Variants in SH3PXD2A observed in about 807,000 individuals in gnomAD.
SH3PXD2A encodes the protein SH3 and PX domain-containing protein 2A.
SH3PXD2A carries 32 observed loss-of-function variants against 115.2 expected under a neutral mutation model. That is an observed-to-expected ratio of 0.28 (90% CI 0.21 to 0.37). The LOEUF is 0.37. Ranked by LOEUF, SH3PXD2A falls within the 10% of genes least tolerant of loss-of-function variation. The probability of loss-of-function intolerance (pLI) is 1.00; values close to 1 mark genes in which losing one functional copy is unlikely to be tolerated. For synonymous variants in SH3PXD2A, 610 were observed against 629.1 expected (o/e 0.97, Z 0.45); for missense variants, 1,328 against 1,498.7 (o/e 0.89, Z 1.88).
Position 103,613,000 on chromosome 10 carries a change from C to T in SH3PXD2A, c.1111G>A (p.Ala371Thr). The T allele has an allele frequency of 6.2e-7, 1 of 1,614,236 alleles. No homozygotes were observed. The stretch of plus-strand genomic sequence containing the variant: ...CTGATCTCCTTCTTGGCAATGGGGG[C>T]CTCATGGCCCTCGCCTTCGGCTGGT... ...TPPAEGEGHE[A>T]PIAKKEISLP... Residue 371 changes from alanine to threonine, a missense_variant, in exon 12 of 15, where the codon GCC (alanine) becomes ACC (threonine). Transcript: ENST00000369774.
chr10:103,647,568 G>A (rs1210079982), intron 8 of SH3PXD2A, among the ~76,000 whole-genome samples: 2 of 152,198 alleles, frequency 1.3e-5, no homozygotes, highest in Non-Finnish European at 2.9e-5. Context: ...TCAGGCCTGG[G>A]ACATGGAGCC....
chr10:103,654,460 CCAGGGTCGATCTGTGG>C (rs2037179245), intron 8 of SH3PXD2A, among the ~76,000 whole-genome samples: 1 of 152,170 alleles, frequency 6.6e-6, no homozygotes, highest in Non-Finnish European at 1.5e-5. Flanking sequence ...CCTGCAGGTC[CCAGGGTCGATCTGTGG>C]CAGAGCTGCC....
chr10:103,642,818 G>C (rs1052858417), intron 8 of SH3PXD2A, among the ~76,000 whole-genome samples: 3 of 152,190 alleles, frequency 2.0e-5, no homozygotes, highest in East Asian at 1.9e-4. Context: ...GTACATGTAC[G>C]AGTTTGTATA....
intron 1 of SH3PXD2A, among the ~76,000 whole-genome samples, chr10:103,838,352 T>A (rs2039565858): frequency 6.6e-6 from 1 of 152,182 alleles, no homozygotes; most frequent in Admixed American, 6.5e-5. Flanking sequence ...CGGCATTTAA[T>A]CCTCCTAACG....
chr10:103,642,941 A>G (rs2133986080), intron 8 of SH3PXD2A, among the ~76,000 whole-genome samples: 1 of 152,332 alleles, frequency 6.6e-6, no homozygotes, highest in South Asian at 2.1e-4. Flanking sequence ...AGCTGAGTTC[A>G]GCCCCTCTTC....
chr10:103,773,239 A>G (rs1017199549), intron 2 of SH3PXD2A, among the ~76,000 whole-genome samples: 2 of 150,320 alleles, frequency 1.3e-5, no homozygotes, highest in African/African-American at 4.9e-5. Flanking sequence ...AAAAAAAAAA[A>G]AAGAGAAAAA....
chr10:103,701,643 A>T (rs1285957025), intron 5 of SH3PXD2A, among the ~76,000 whole-genome samples: 1 of 133,122 alleles, frequency 7.5e-6, no homozygotes, highest in Admixed American at 7.4e-5. Context: ...TCCATCCATC[A>T]TCTATCCATC....
chr10:103,668,746 G>A (rs2037418448), intron 6 of SH3PXD2A, 94 bp from the exon 7 acceptor site: 1 of 1,168,362 alleles, frequency 8.6e-7, no homozygotes, highest in East Asian at 2.6e-5. Context: ...AGTGGCTGCA[G>A]GCGCCGCGCT....
chr10:103,765,099 T>C (rs891098895), intron 3 of SH3PXD2A, among the ~76,000 whole-genome samples: 3 of 152,176 alleles, frequency 2.0e-5, no homozygotes, highest in Non-Finnish European at 4.4e-5. Flanking sequence ...ATCCCCATTT[T>C]CCAGATGAGG....
chr10:103,624,013 T>C (rs1564847012), intron 9 of SH3PXD2A, among the ~76,000 whole-genome samples: 1 of 152,242 alleles, frequency 6.6e-6, no homozygotes. Context: ...AAAAGCCCTA[T>C]GTGGTTGGCA....
rs2036138497 is a variant in SH3PXD2A at position 103,596,663 on chromosome 10, A to ATACACACACACACACACT, written c.*5152_*5153insAGTGTGTGTGTGTGTGTA. Reference sequence around the variant, plus strand: ...CACACACACACACACACACACACACACTCTCTCTCTCTCTCTCTCTCTCAC... The same window carrying ATACACACACACACACACT: ...CACACACACACACACACACACACACATACACACACACACACACTCTCTCTCTCTCTCTCTCTCTCTCAC... On this transcript the variant is annotated 3_prime_UTR_variant, in exon 15 of 15. Transcript: ENST00000369774. 1 of 124,440 alleles carries ATACACACACACACACACT rather than the reference A, an allele frequency of 8.0e-6. No homozygotes were observed. Among genetic ancestry groups the ATACACACACACACACACT allele is most frequent in the Admixed American group, 8.0e-5 (1 of 12,474 alleles). The allele number at this position is 124,440 out of a possible 1,614,324, so 7.7% of individuals were successfully genotyped here.
chr10:103,839,418 G>A (rs935291331), intron 1 of SH3PXD2A, among the ~76,000 whole-genome samples: 4 of 152,212 alleles, frequency 2.6e-5, no homozygotes, highest in Admixed American at 6.5e-5. Context: ...TCCAGTCACT[G>A]AGCTCTTGCT....
chr10:103,645,658 G>A (rs1199601958), intron 8 of SH3PXD2A, among the ~76,000 whole-genome samples: 1 of 152,108 alleles, frequency 6.6e-6, no homozygotes, highest in Non-Finnish European at 1.5e-5. Flanking sequence ...AGGAATGCAG[G>A]GGGTGCCACT....
intron 1 of SH3PXD2A, among the ~76,000 whole-genome samples, chr10:103,854,614 C>A (rs1481889022): frequency 6.6e-6 from 1 of 152,174 alleles, no homozygotes; most frequent in Non-Finnish European, 1.5e-5. Flanking sequence ...AAGGAAAAGC[C>A]ACAATTCTCC....
At chr10:103,716,959 C>T (rs571075710) in intron 5 of SH3PXD2A, among the ~76,000 whole-genome samples, 17 of 152,356 alleles carry the variant, frequency 1.1e-4, no homozygotes, top group Admixed American at 9.8e-4. Flanking sequence ...CCCATCCCAC[C>T]ATGATGGGGA....
At chr10:103,606,888 G>A (rs375816963) in intron 13 of SH3PXD2A, among the ~76,000 whole-genome samples, 7 of 152,328 alleles carry the variant, frequency 4.6e-5, no homozygotes, top group South Asian at 4.1e-4. Context: ...CCCAAAGTGC[G>A]GAGAGTGCAG....
intron 3 of SH3PXD2A, among the ~76,000 whole-genome samples, chr10:103,742,204 A>C (rs1384293779): frequency 1.3e-5 from 2 of 152,194 alleles, no homozygotes; most frequent in African/African-American, 2.4e-5. Flanking sequence ...CAGAAGTCTG[A>C]AATCAAGGTG....
At chr10:103,680,926 T>C (rs943088723) in intron 6 of SH3PXD2A, among the ~76,000 whole-genome samples, 13 of 140,794 alleles carry the variant, frequency 9.2e-5, no homozygotes, top group Non-Finnish European at 1.6e-4. Flanking sequence ...GCTAAAACAA[T>C]AAGTAATGCA....
chr10:103,769,496 TG>T (rs1231349790), intron 2 of SH3PXD2A, among the ~76,000 whole-genome samples: 3 of 149,372 alleles, frequency 2.0e-5, no homozygotes, highest in African/African-American at 7.5e-5. Flanking sequence ...TCACCTAGGC[TG>T]GAGTGCAGTG....
Sources: allele counts gnomAD v4.1 joint callset (sites outside exome capture counted in the v4.1 genomes callset), GRCh38; gene constraint gnomAD v4.1.1; transcripts MANE v1.5; gene names NCBI Gene and HGNC (gene_info 2026-07-23, HGNC 2026-07-21).